Variants in SND1 observed in about 807,000 individuals in gnomAD.
The protein encoded by SND1 is staphylococcal nuclease domain-containing protein 1.
A neutral mutation model predicts 121.7 loss-of-function variants in SND1; 38 were observed. The ratio of observed to expected loss-of-function variants is 0.31; its 90% confidence interval spans 0.24 to 0.41. The LOEUF is 0.41. Among genes scored for constraint, SND1 ranks in the 10% least tolerant of loss-of-function variants. The pLI, the probability that SND1 is intolerant of heterozygous loss-of-function variation, is 1.00. For synonymous variants in SND1, 401 were observed against 447.4 expected (o/e 0.90, Z 1.31); for missense variants, 868 against 1,184.6 (o/e 0.73, Z 3.92).
rs2116806065 is a variant in SND1 at position 127,923,193 on chromosome 7, T to C, written c.1528-5995T>C. ...TTGTAGAGATGGGGTATTGAACTCC[T>C]AGCCTCATGTGATACTCCCATCTCA... On this transcript the variant is annotated intron_variant, in intron 14 of 23. Transcript: ENST00000354725. Among the ~76,000 whole-genome samples, 2 of 152,308 alleles carry C rather than the reference T, an allele frequency of 1.3e-5. 1 individual carries two copies. The highest frequency in any genetic ancestry group is 4.1e-4 in the South Asian group (2 of 4,828).
Position 128,076,457 on chromosome 7 carries a change from G to A in SND1, c.1968+1767G>A, listed in dbSNP as rs149462993. Among the ~76,000 whole-genome samples the A allele has an allele frequency of 2.2e-4, 34 of 152,296 alleles. 1 individual carries two copies. The South Asian group carries it at 5.0e-3, about 22-fold the overall frequency. ...CTCTCCTGCAAATCCCAGTCTGCTC[G>A]TCAAGGATCCTGAGGAACCGAGGCT... On this transcript the variant is annotated intron_variant, in intron 17 of 23. Transcript: ENST00000354725.
intron 15 of SND1, among the ~76,000 whole-genome samples, chr7:127,939,527 CTAAT>C (rs997930724): frequency 1.2e-4 from 18 of 152,262 alleles, no homozygotes; most frequent in African/African-American, 2.9e-4. Flanking sequence ...CTCCTGCTTC[CTAAT>C]TAATTATTTC....
intron 1 of SND1, among the ~76,000 whole-genome samples, chr7:127,680,007 G>A (rs966661149): frequency 1.2e-4 from 18 of 152,024 alleles, no homozygotes; most frequent in East Asian, 3.9e-4. Flanking sequence ...TTCCCTAAGC[G>A]TCGGCTGGTT....
At chr7:127,822,914 G>T (rs2116608415) in intron 11 of SND1, among the ~76,000 whole-genome samples, 2 of 152,294 alleles carry the variant, frequency 1.3e-5, no homozygotes, top group Non-Finnish European at 2.9e-5. Context: ...AATCTCTGGG[G>T]TAGCATTACC....
intron 3 of SND1, among the ~76,000 whole-genome samples, chr7:127,695,734 G>A (rs1186493241): frequency 2.6e-5 from 4 of 152,300 alleles, no homozygotes; most frequent in African/African-American, 4.8e-5. Flanking sequence ...GCTGAGGTGG[G>A]AGAATCACCT....
intron 16 of SND1, among the ~76,000 whole-genome samples, chr7:128,011,876 T>G (rs73232973): frequency 0.012 from 1,814 of 152,294 alleles, 13 homozygotes; most frequent in Non-Finnish European, 0.019. Flanking sequence ...AAAAGGGGGA[T>G]AGAGATGAAG....
At chr7:127,833,769 G>A (rs1045581719) in intron 11 of SND1, among the ~76,000 whole-genome samples, 5 of 152,130 alleles carry the variant, frequency 3.3e-5, no homozygotes, top group African/African-American at 1.2e-4. Flanking sequence ...GTGACATTAA[G>A]CACATTCATT....
At chr7:128,017,504 T>C (rs1219352677) in intron 16 of SND1, among the ~76,000 whole-genome samples, 1 of 152,228 alleles carries the variant, frequency 6.6e-6, no homozygotes, top group Non-Finnish European at 1.5e-5. Context: ...GGCTCTGTTC[T>C]CTCTGGGGGA....
chr7:127,708,421 T>TCCTCCCTC (rs35329729), intron 9 of SND1, among the ~76,000 whole-genome samples: 1 of 150,136 alleles, frequency 6.7e-6, no homozygotes, highest in South Asian at 2.1e-4. Context: ...CTTCCTGCCT[T>TCCTCCCTC]CCTCCCTTCC....
intron 15 of SND1, among the ~76,000 whole-genome samples, chr7:127,938,436 G>A (rs1195362312): frequency 6.6e-6 from 1 of 152,164 alleles, no homozygotes; most frequent in Admixed American, 6.5e-5. Context: ...AAATATGAAA[G>A]AGCAGTTATC....
intron 9 of SND1, among the ~76,000 whole-genome samples, chr7:127,713,058 T>A (rs999138985): frequency 6.6e-6 from 1 of 152,268 alleles, no homozygotes; most frequent in South Asian, 2.1e-4. Context: ...TTTTCTAATA[T>A]GTTGTAAAAC....
intron 10 of SND1, among the ~76,000 whole-genome samples, chr7:127,763,489 G>A (rs913883326): frequency 1.3e-5 from 2 of 152,084 alleles, no homozygotes; most frequent in African/African-American, 4.8e-5. Flanking sequence ...TAGGACTACG[G>A]GTGCACACTA....
At chr7:127,919,315 T>G (rs1319702971) in intron 14 of SND1, among the ~76,000 whole-genome samples, 1 of 152,206 alleles carries the variant, frequency 6.6e-6, no homozygotes, top group Non-Finnish European at 1.5e-5. Flanking sequence ...GGGACACAGT[T>G]AAGTGTGACA....
chr7:127,786,770 T>C (rs978411529), intron 10 of SND1, among the ~76,000 whole-genome samples: 3 of 151,874 alleles, frequency 2.0e-5, no homozygotes, highest in Admixed American at 6.6e-5. Flanking sequence ...CAGCCTCCCG[T>C]GTAGCTGGGA....
At chr7:127,915,996 ATGTGTGTGTGTGTGTGTG>A (rs57570326) in intron 14 of SND1, among the ~76,000 whole-genome samples, 9 of 149,026 alleles carry the variant, frequency 6.0e-5, no homozygotes, top group Admixed American at 1.3e-4. Context: ...AGAACAGCAT[ATGTGTGTGTGTGTGTGTG>A]TGTGTGTGTG....
At chr7:127,909,072 T>G (rs1269141705) in intron 14 of SND1, among the ~76,000 whole-genome samples, 1 of 152,194 alleles carries the variant, frequency 6.6e-6, no homozygotes, top group African/African-American at 2.4e-5. Flanking sequence ...TGAGTCATAG[T>G]GTATATCTGA....
chr7:128,054,522 TGCCTTGCACGGAGGTTG>T (rs924774983), intron 16 of SND1, among the ~76,000 whole-genome samples: 2 of 152,262 alleles, frequency 1.3e-5, no homozygotes, highest in Non-Finnish European at 2.9e-5. Context: ...CAGATATGAA[TGCCTTGCACGGAGGTTG>T]GCATTAGCAA....
intron 16 of SND1, among the ~76,000 whole-genome samples, chr7:128,041,250 TATA>T (rs1181759577): frequency 6.6e-6 from 1 of 152,008 alleles, no homozygotes; most frequent in Admixed American, 6.6e-5. Flanking sequence ...GCCTGGGCAA[TATA>T]ATGAGACCCC....
intron 15 of SND1, among the ~76,000 whole-genome samples, chr7:127,959,227 T>A (rs1034098023): frequency 6.6e-6 from 1 of 152,212 alleles, no homozygotes; most frequent in Admixed American, 6.5e-5. Flanking sequence ...AGACGTCCGC[T>A]GGCAGTCTTG....
Sources: allele counts gnomAD v4.1 joint callset (sites outside exome capture counted in the v4.1 genomes callset), GRCh38; gene constraint gnomAD v4.1.1; transcripts MANE v1.5; gene names NCBI Gene and HGNC (gene_info 2026-07-23, HGNC 2026-07-21).